Variants in COX17 observed in about 807,000 individuals in gnomAD.
COX17 encodes the protein cytochrome c oxidase copper chaperone COX17.
A neutral mutation model predicts 6.3 loss-of-function variants in COX17; 1 was observed. The observed-to-expected ratio is 0.16, with a 90% confidence interval of 0.06 to 0.75. The LOEUF (loss-of-function observed/expected upper bound fraction) is 0.75, where lower values mean the gene tolerates loss of function less well. Among genes scored for constraint, COX17 ranks in the 30% least tolerant of loss-of-function variants. The pLI is 0.77. For synonymous variants in COX17, 26 were observed against 30.5 expected (o/e 0.85, Z 0.49); for missense variants, 73 against 81.2 (o/e 0.90, Z 0.39).
chr3:119,674,036 G>A (rs1373371745), intron 2 of COX17, among the ~76,000 whole-genome samples: 3 of 152,074 alleles, frequency 2.0e-5, no homozygotes, highest in Non-Finnish European at 2.9e-5. Context: ...TCTGGGAAGT[G>A]AGGAGCGCCT....
At chr3:119,666,353 A>G (rs188470164), downstream of COX17, among the ~76,000 whole-genome samples, 9 of 152,336 alleles carry the variant, frequency 5.9e-5, no homozygotes, top group African/African-American at 1.9e-4. Context: ...GAAAGCTGAG[A>G]TGAAAATAAC....
chr3:119,666,425 G>A (rs2052993317), downstream of COX17, among the ~76,000 whole-genome samples: 1 of 152,064 alleles, frequency 6.6e-6, no homozygotes, highest in Non-Finnish European at 1.5e-5. Flanking sequence ...GACTCTAACT[G>A]GACTTCCAGC....
At chr3:119,667,612 T>C (rs950263169), downstream of COX17, among the ~76,000 whole-genome samples, 7 of 149,506 alleles carry the variant, frequency 4.7e-5, no homozygotes, top group East Asian at 7.8e-4. Context: ...AGGACACTTG[T>C]AAAGACTTTC....
At chr3:119,667,740 G>C (rs2053007240), downstream of COX17, among the ~76,000 whole-genome samples, 1 of 149,748 alleles carries the variant, frequency 6.7e-6, no homozygotes, top group Non-Finnish European at 1.5e-5. Flanking sequence ...GAGAGAGAGA[G>C]ACAGAGGTGA....
chr3:119,672,146 C>G (rs1045341301), intron 2 of COX17, among the ~76,000 whole-genome samples: 1 of 152,206 alleles, frequency 6.6e-6, no homozygotes, highest in African/African-American at 2.4e-5. Context: ...CATCACAACT[C>G]TATGAAGTAG....
At chr3:119,670,294 G>A (rs1258998549) in intron 2 of COX17, among the ~76,000 whole-genome samples, 1 of 152,122 alleles carries the variant, frequency 6.6e-6, no homozygotes, top group Non-Finnish European at 1.5e-5. Flanking sequence ...AACAATGCTA[G>A]GAAGGTAATT....
intron 1 of COX17, 96 bp downstream of exon 1, chr3:119,677,108 G>C: frequency 1.2e-6 from 1 of 853,010 alleles, no homozygotes; most frequent in South Asian, 1.5e-5. Context: ...GCAGAGGGCA[G>C]AAGGCAGAGG....
downstream of COX17, among the ~76,000 whole-genome samples, chr3:119,668,545 C>CTTT (rs35724558): frequency 4.2e-5 from 6 of 142,212 alleles, no homozygotes; most frequent in Admixed American, 7.0e-5. Context: ...ACTTCTATAC[C>CTTT]TTTTTTTTTT....
At chr3:119,665,943 A>G (rs1025934540), downstream of COX17, among the ~76,000 whole-genome samples, 2 of 152,234 alleles carry the variant, frequency 1.3e-5, no homozygotes, top group African/African-American at 2.4e-5. Context: ...TTTTCTTTCT[A>G]AAGTTTGAGC....
intron 2 of COX17, among the ~76,000 whole-genome samples, chr3:119,671,228 G>A (rs1160062130): frequency 1.3e-5 from 2 of 152,172 alleles, no homozygotes; most frequent in African/African-American, 4.8e-5. Context: ...GCAGACCAGG[G>A]CCCAAGTTGT....
At chr3:119,665,992 T>C (rs2052989184), downstream of COX17, among the ~76,000 whole-genome samples, 1 of 152,244 alleles carries the variant, frequency 6.6e-6, no homozygotes, top group African/African-American at 2.4e-5. Flanking sequence ...TCAATTTGAC[T>C]GTTCAGGGTG....
chr3:119,670,676 C>T (rs1018028155), intron 2 of COX17, among the ~76,000 whole-genome samples: 1 of 151,940 alleles, frequency 6.6e-6, no homozygotes, highest in East Asian at 1.9e-4. Flanking sequence ...TAAATATCTG[C>T]TGAATGAACA....
Position 119,671,176 on chromosome 3 carries a change from A to G in COX17, c.*5-1511T>C, listed in dbSNP as rs184462010. ...CTTAGGCCAGTGGTTGTTAAAGAGG[A>G]GTGCACTTGAAAATCATCTAGGAGT... On this transcript the variant is annotated intron_variant, in intron 2 of 2. Coordinates refer to ENST00000261070, the MANE Select transcript of COX17 (RefSeq NM_005694.2). 1.1e-3 allele frequency among the ~76,000 whole-genome samples: 164 copies of G among 152,302 alleles called. 1 individual carries two copies. Among genetic ancestry groups the G allele is most frequent in the South Asian group, 2.5e-3 (12 of 4,832 alleles).
chr3:119,671,978 G>T (rs2053049143), intron 2 of COX17, among the ~76,000 whole-genome samples: 1 of 152,052 alleles, frequency 6.6e-6, no homozygotes, highest in African/African-American at 2.4e-5. Flanking sequence ...TTCTCAGAAG[G>T]GTCCTATATG....
At chr3:119,675,441 G>A in intron 1 of COX17, 1 of 512,606 alleles carries the variant, frequency 2.0e-6, no homozygotes, top group South Asian at 2.9e-5. Flanking sequence ...AGTGATTTTG[G>A]GGGGGAAATC....
downstream of COX17, among the ~76,000 whole-genome samples, chr3:119,664,958 C>T (rs1041993982): frequency 1.3e-5 from 2 of 152,204 alleles, no homozygotes; most frequent in Non-Finnish European, 2.9e-5. Context: ...ATGCTCTGGA[C>T]ACATAGTGTC....
intron 1 of COX17, chr3:119,675,451 C>A (rs1036952043): frequency 2.0e-6 from 1 of 510,456 alleles, no homozygotes; most frequent in Admixed American, 3.3e-5. Context: ...GGGGGGAAAT[C>A]TGATAAGAAA....
At chr3:119,672,111 AC>A (rs1212816484) in intron 2 of COX17, among the ~76,000 whole-genome samples, 1 of 152,222 alleles carries the variant, frequency 6.6e-6, no homozygotes, top group East Asian at 1.9e-4. Context: ...TCTGGTTTTT[AC>A]AGATGATTTA....
At chr3:119,672,478 T>G (rs887395569) in intron 2 of COX17, among the ~76,000 whole-genome samples, 2 of 152,208 alleles carry the variant, frequency 1.3e-5, no homozygotes, top group Non-Finnish European at 2.9e-5. Context: ...TAATCACCCC[T>G]TTTTATCAAG....
Sources: allele counts gnomAD v4.1 joint callset (sites outside exome capture counted in the v4.1 genomes callset), GRCh38; gene constraint gnomAD v4.1.1; transcripts MANE v1.5; gene names NCBI Gene and HGNC (gene_info 2026-07-23, HGNC 2026-07-21).